SOX5: variants seen among roughly 807,000 people sequenced by gnomAD.
SOX5 encodes SRY-box transcription factor 5, also known as transcription factor SOX-5.
In SOX5, 9 loss-of-function variants were observed where a neutral mutation model predicts 92.0. The observed-to-expected ratio is 0.10, with a 90% CI of 0.06 to 0.17. The LOEUF (loss-of-function observed/expected upper bound fraction) is 0.17, where lower values mean the gene tolerates loss of function less well. SOX5 is among the 10% of genes least tolerant of loss of function. SOX5 has a pLI of 1.00. For synonymous variants in SOX5, 344 were observed against 336.3 expected, an observed-to-expected ratio of 1.02 and a Z score of -0.25; for missense variants, 642 against 944.5, an observed-to-expected ratio of 0.68 and a Z score of 4.20.
intron 3 of SOX5, among the ~76,000 whole-genome samples, chr12:23,773,224 T>C (rs2094990878): frequency 6.6e-6 from 1 of 152,196 alleles, no homozygotes; most frequent in African/African-American, 2.4e-5. Flanking sequence ...TAAATACTTC[T>C]AATTTCTTGG....
At chr12:24,150,316 T>C (rs1284806509) in intron 4 of SOX5, among the ~76,000 whole-genome samples, 1 of 152,156 alleles carries the variant, frequency 6.6e-6, no homozygotes, top group South Asian at 2.1e-4. Flanking sequence ...ATAAATACTT[T>C]TGTAATGAAG....
In SOX5 at chr12:23,979,909, CTGGCCAGA is replaced by C. The variant is rs1297870636; in HGVS notation, c.-1-83893_-1-83886del. On this transcript the variant is annotated intron_variant, in intron 4 of 4. Coordinates refer to the SOX5 transcript ENST00000446891. ...GCTGGCTGGCTGGCTGGCTGGCTGG[CTGGCCAGA>C]CAGACAGACAGACAGACAGATAGAT... Among the ~76,000 whole-genome samples, 72 of 48,058 alleles carry C rather than the reference CTGGCCAGA, an allele frequency of 1.5e-3. 1 individual carries two copies. The highest frequency in any genetic ancestry group is 0.01 in the East Asian group (5 of 486). The allele number at this position is 48,058 out of a possible 152,430, so 31.5% of individuals were successfully genotyped here.
At chr12:24,048,141 A>T (rs1957228012) in intron 4 of SOX5, among the ~76,000 whole-genome samples, 1 of 152,228 alleles carries the variant, frequency 6.6e-6, no homozygotes, top group Admixed American at 6.5e-5. Flanking sequence ...CAGCTTTCTG[A>T]TACATCATCA....
chr12:23,989,170 T>C (rs941420381), intron 4 of SOX5, among the ~76,000 whole-genome samples: 3 of 139,350 alleles, frequency 2.2e-5, no homozygotes, highest in Non-Finnish European at 4.5e-5. Flanking sequence ...GCTCAGGAGT[T>C]GGACACCAGT....
In SOX5 at chr12:23,816,925, A is replaced by G. The variant is rs571752429; in HGVS notation, c.481+29058T>C. On this transcript the variant is annotated intron_variant, in intron 3 of 14. Coordinates refer to ENST00000451604, the MANE Select transcript of SOX5 (RefSeq NM_006940.6). ...AGATATTAAACAGTTCTACTCTCAT[A>G]TCACTGAGGTTGCTCCTCCATTGTC... Among the ~76,000 whole-genome samples, 40 of 152,312 alleles carry G rather than the reference A, an allele frequency of 2.6e-4. 1 individual carries two copies. Among genetic ancestry groups the G allele is most frequent in the African/African-American group, 9.6e-4 (40 of 41,574 alleles).
chr12:23,556,404 A>G (rs1326609485), intron 11 of SOX5, among the ~76,000 whole-genome samples: 1 of 152,230 alleles, frequency 6.6e-6, no homozygotes, highest in East Asian at 1.9e-4. Flanking sequence ...TGTAGAGATT[A>G]AAAAATAATA....
chr12:24,091,512 C>T (rs1944649504), intron 4 of SOX5, among the ~76,000 whole-genome samples: 1 of 148,684 alleles, frequency 6.7e-6, no homozygotes, highest in African/African-American at 2.5e-5. Context: ...TCACTGCAAC[C>T]TCTACCTCCC....
chr12:24,379,880 T>G (rs1485482962), intron 1 of SOX5, among the ~76,000 whole-genome samples: 4 of 151,786 alleles, frequency 2.6e-5, no homozygotes, highest in Non-Finnish European at 5.9e-5. Flanking sequence ...AAGATTCTTT[T>G]TTTTTTCTTC....
At position 24,112,521 on chromosome 12, in the gene SOX5, C is replaced by CTTTT. The variant is rs139323766; in HGVS notation, c.-2+100818_-2+100821dup. On this transcript the variant is annotated intron_variant, in intron 4 of 4. Transcript: ENST00000446891. ...GGGATACAGAACAACTTCAAGGTTCCTTTTTTTTTTTTTTTTTTTTTTTTT... is the reference window on the plus strand; with the variant it reads ...GGGATACAGAACAACTTCAAGGTTCCTTTTTTTTTTTTTTTTTTTTTTTTTTTTT... Among the ~76,000 whole-genome samples the CTTTT allele has an allele frequency of 1.3e-3, 98 of 75,692 alleles. 8 individuals carry two copies. Among genetic ancestry groups the CTTTT allele is most frequent in the African/African-American group, 1.9e-3 (39 of 20,792 alleles). The allele number at this position is 75,692 out of a possible 152,430, so 49.7% of individuals were successfully genotyped here. A position where few individuals can be genotyped will look rare whatever the true frequency, so the allele number is the denominator to read the frequency against.
At chr12:24,108,299 T>C (rs74908439) in intron 4 of SOX5, among the ~76,000 whole-genome samples, 7,136 of 152,256 alleles carry the variant, frequency 0.047, 228 homozygotes, top group Admixed American at 0.12. Flanking sequence ...TTTTTGTTAA[T>C]TATAGTTTTT....
At position 24,364,390 on chromosome 12, in the gene SOX5, T is replaced by G. The variant is rs142354308; in HGVS notation, c.-174+4173A>C. ...TTGGATTTTTCTTACAGTATTTTGA[T>G]GCTCTATCTTCTGTCCTTAGAAAGG... On this transcript the variant is annotated intron_variant, in intron 2 of 4. Coordinates refer to the SOX5 transcript ENST00000446891. Among the ~76,000 whole-genome samples the G allele has an allele frequency of 4.5e-3, 686 of 151,808 alleles. 8 individuals are homozygous for G. Among genetic ancestry groups the G allele is most frequent in the African/African-American group, 0.014 (591 of 41,440 alleles).
chr12:24,446,595 T>C (rs1428898748), intron 1 of SOX5, among the ~76,000 whole-genome samples: 1 of 152,078 alleles, frequency 6.6e-6, no homozygotes, highest in African/African-American at 2.4e-5. Flanking sequence ...ACTGATTTGT[T>C]TAGAAAAATC....
At chr12:23,882,706 A>AT (rs1232017617) in intron 2 of SOX5, among the ~76,000 whole-genome samples, 2 of 152,148 alleles carry the variant, frequency 1.3e-5, no homozygotes, top group African/African-American at 4.8e-5. Flanking sequence ...ATGTTAGGTG[A>AT]TTTTCTCATT....
chr12:23,548,052 C>G (rs185496758), intron 11 of SOX5, among the ~76,000 whole-genome samples: 51 of 152,120 alleles, frequency 3.4e-4, no homozygotes, highest in African/African-American at 1.2e-3. Flanking sequence ...TCAACATGAT[C>G]TGATAGTCCT....
At chr12:24,381,036 C>A (rs770806681) in intron 1 of SOX5, among the ~76,000 whole-genome samples, 7 of 152,148 alleles carry the variant, frequency 4.6e-5, no homozygotes, top group Non-Finnish European at 8.8e-5. Flanking sequence ...GAGGGGCACT[C>A]CTGAATAGAA....
intron 4 of SOX5, among the ~76,000 whole-genome samples, chr12:23,752,879 C>T (rs951257903): frequency 6.6e-6 from 1 of 151,832 alleles, no homozygotes; most frequent in Non-Finnish European, 1.5e-5. Flanking sequence ...AAAACCAGAT[C>T]GAGTGTCCTT....
intron 10 of SOX5, among the ~76,000 whole-genome samples, chr12:23,569,060 G>T (rs1370003724): frequency 6.6e-6 from 1 of 151,622 alleles, no homozygotes; most frequent in Admixed American, 6.5e-5. Flanking sequence ...GCATGGTGGT[G>T]CTTGCCTGTA....
intron 8 of SOX5, among the ~76,000 whole-genome samples, chr12:23,631,223 G>A (rs1157740521): frequency 6.6e-6 from 1 of 151,934 alleles, no homozygotes; most frequent in South Asian, 2.1e-4. Flanking sequence ...TCCTATTAAG[G>A]TGATAACTCT....
intron 6 of SOX5, among the ~76,000 whole-genome samples, chr12:23,697,757 C>G (rs1046055507): frequency 6.6e-6 from 1 of 151,944 alleles, no homozygotes; most frequent in Non-Finnish European, 1.5e-5. Flanking sequence ...CATCACATTG[C>G]CCAGGCTGGC....
Sources: gnomAD v4.1 joint callset for allele counts (sites outside exome capture counted in the v4.1 genomes callset) on GRCh38, gnomAD v4.1.1 for gene constraint, MANE v1.5 for transcripts, NCBI Gene and HGNC (gene_info 2026-07-23, HGNC 2026-07-21) for gene names.